The following DAB1 variants were observed in gnomAD, a reference collection of about 807,000 sequenced individuals.
DAB1 encodes disabled homolog 1.
Under a neutral mutation model 64.6 loss-of-function variants are expected in DAB1, and 15 were observed. The ratio of observed to expected loss-of-function variants is 0.23; its 90% CI spans 0.16 to 0.36. DAB1 has a LOEUF of 0.36. Ranked by LOEUF, DAB1 falls within the 10% of genes least tolerant of loss-of-function variation. The pLI, the probability that DAB1 is intolerant of heterozygous loss-of-function variation, is 1.00. For missense variants in DAB1, 596 were observed against 706.7 expected, an observed-to-expected ratio of 0.84 and a Z score of 1.78; for synonymous variants, 235 against 251.9, an observed-to-expected ratio of 0.93 and a Z score of 0.64.
At position 57,025,993 on chromosome 1, in the gene DAB1, T is replaced by C; in HGVS notation, c.774A>G (p.Ile258Met). ...LFGDMSTPPD[I>M]TSPPTPATPG... ...AATGCATACTTACGGGGGGAGAGGT[T>C]ATATCAGGGGGTGTGGACATGTCCC... Residue 258 changes from isoleucine to methionine, a missense_variant, in exon 10 of 15, where the codon ATA becomes ATG. By Grantham distance (10) the Ile-to-Met change is conservative (BLOSUM62 1). This residue lies in a region of DAB1 where 377 missense variants were observed against 400.4 expected (regional missense o/e 0.94). Coordinates refer to ENST00000371236, the MANE Select transcript of DAB1 (RefSeq NM_001365792.1). 1.9e-6 allele frequency: 3 copies of C among 1,585,472 alleles called. No homozygotes were observed. The highest frequency in any genetic ancestry group is 2.3e-5 in the South Asian group (2 of 85,710).
At chr1:58,523,626 G>A (rs919607624) in intron 2 of DAB1, among the ~76,000 whole-genome samples, 3 of 152,082 alleles carry the variant, frequency 2.0e-5, no homozygotes, top group East Asian at 1.9e-4. Flanking sequence ...CTGGCCGGGC[G>A]CAGTGGCTCA....
At chr1:58,483,231 G>A (rs1569862481) in intron 3 of DAB1, among the ~76,000 whole-genome samples, 1 of 152,188 alleles carries the variant, frequency 6.6e-6, no homozygotes, top group Admixed American at 6.5e-5. Context: ...TCAAGGAAGA[G>A]GTCCAGATGG....
At chr1:58,201,073 G>A (rs1657972803) in intron 4 of DAB1, among the ~76,000 whole-genome samples, 1 of 151,410 alleles carries the variant, frequency 6.6e-6, no homozygotes, top group African/African-American at 2.4e-5. Flanking sequence ...CTGGGGTGCA[G>A]TGGTGTGATC....
At chr1:57,470,760 C>T (rs1558410715) in intron 7 of DAB1, among the ~76,000 whole-genome samples, 1 of 152,134 alleles carries the variant, frequency 6.6e-6, no homozygotes, top group Admixed American at 6.5e-5. Flanking sequence ...TAAAAATCAG[C>T]ACAAAAGAGC....
At chr1:57,174,621 TGCC>T (rs1662109168) in intron 2 of DAB1, among the ~76,000 whole-genome samples, 1 of 152,170 alleles carries the variant, frequency 6.6e-6, no homozygotes, top group African/African-American at 2.4e-5. Flanking sequence ...TTTACTTTAC[TGCC>T]TTGAGTCCTC....
intron 4 of DAB1, chr1:58,228,800 G>T: frequency 1.3e-6 from 1 of 753,640 alleles, no homozygotes. Context: ...AGAGCACAAA[G>T]AACAGGATCC....
chr1:57,975,753 A>C (rs999697834), intron 5 of DAB1, among the ~76,000 whole-genome samples: 1 of 152,196 alleles, frequency 6.6e-6, no homozygotes, highest in African/African-American at 2.4e-5. Flanking sequence ...GATGATTATG[A>C]TGCACAGCAG....
chr1:58,113,604 T>C (rs1652119736), intron 5 of DAB1, among the ~76,000 whole-genome samples: 1 of 152,154 alleles, frequency 6.6e-6, no homozygotes. Context: ...AGGGTTTTTG[T>C]AAACGAAGAG....
intron 5 of DAB1, among the ~76,000 whole-genome samples, chr1:57,915,901 T>G (rs144467763): frequency 4.5e-4 from 69 of 152,224 alleles, no homozygotes; most frequent in Middle Eastern, 3.4e-3. Context: ...AACAGCATGA[T>G]GGTACTCTGT....
chr1:57,151,962 C>T (rs534474875), intron 2 of DAB1, among the ~76,000 whole-genome samples: 7 of 151,840 alleles, frequency 4.6e-5, no homozygotes, highest in Non-Finnish European at 7.4e-5. Flanking sequence ...TACAGGTGCC[C>T]GCCACCATGC....
intron 14 of DAB1, among the ~76,000 whole-genome samples, chr1:57,004,958 T>G (rs1646012737): frequency 6.6e-6 from 1 of 152,214 alleles, no homozygotes; most frequent in South Asian, 2.1e-4. Context: ...GTATCTTAAA[T>G]GCTGGCAGCC....
At chr1:57,314,938 C>A (rs1386643903) in intron 1 of DAB1, among the ~76,000 whole-genome samples, 1 of 152,156 alleles carries the variant, frequency 6.6e-6, no homozygotes, top group Non-Finnish European at 1.5e-5. Context: ...ATTGAGATAT[C>A]ATAATAAATA....
intron 7 of DAB1, among the ~76,000 whole-genome samples, chr1:57,615,733 A>G (rs943696027): frequency 2.0e-5 from 3 of 152,182 alleles, no homozygotes; most frequent in Non-Finnish European, 4.4e-5. Context: ...TCTTGGATTT[A>G]AAAACAGTCT....
intron 5 of DAB1, among the ~76,000 whole-genome samples, chr1:58,074,655 G>A (rs1365884531): frequency 2.0e-5 from 3 of 147,102 alleles, no homozygotes; most frequent in Middle Eastern, 3.6e-3. Context: ...GCAAGGCAAC[G>A]AACTTTATGC....
chr1:58,228,744 C>A, intron 4 of DAB1: 3 of 1,040,400 alleles, frequency 2.9e-6, no homozygotes, highest in East Asian at 3.7e-5. Flanking sequence ...CCACATCAGG[C>A]CCACGTTGAT....
At chr1:57,836,197 T>G (rs72918517) in intron 1 of DAB1, among the ~76,000 whole-genome samples, 1,904 of 152,272 alleles carry the variant, frequency 0.013, 41 homozygotes, top group African/African-American at 0.043. Context: ...GTGAAGAAAT[T>G]ATTATGATCC....
chr1:57,564,942 C>A (rs914931401), intron 7 of DAB1, among the ~76,000 whole-genome samples: 6 of 151,992 alleles, frequency 3.9e-5, no homozygotes, highest in Non-Finnish European at 5.9e-5. Flanking sequence ...AGATACTCCT[C>A]GAGAAGAGCA....
intron 5 of DAB1, among the ~76,000 whole-genome samples, chr1:58,107,805 CG>C (rs1277202216): frequency 6.6e-6 from 1 of 151,730 alleles, no homozygotes; most frequent in Admixed American, 6.6e-5. Context: ...TTAGTACAGC[CG>C]GGGTTTCTCC....
intron 1 of DAB1, among the ~76,000 whole-genome samples, chr1:57,420,820 C>A (rs992846027): frequency 6.6e-6 from 1 of 152,174 alleles, no homozygotes; most frequent in African/African-American, 2.4e-5. Flanking sequence ...CTTAACTCAA[C>A]CACGAGTATT....
Sources: allele counts gnomAD v4.1 joint callset (sites outside exome capture counted in the v4.1 genomes callset), GRCh38; gene constraint gnomAD v4.1.1; regional missense constraint gnomAD v4.1.1; transcripts MANE v1.5; gene names NCBI Gene and HGNC (gene_info 2026-07-23, HGNC 2026-07-21).